Variants in OPCML observed in about 807,000 individuals in gnomAD.
OPCML encodes opioid-binding protein/cell adhesion molecule.
A neutral mutation model predicts 37.8 loss-of-function variants in OPCML; 13 were observed. The observed-to-expected ratio is 0.34, with a 90% CI of 0.22 to 0.55. The LOEUF is 0.55. Among genes scored for constraint, OPCML ranks in the 20% least tolerant of loss-of-function variants. The pLI is 0.91. For synonymous variants in OPCML, 176 were observed against 168.8 expected (o/e 1.04, Z -0.33); for missense variants, 341 against 435.6 (o/e 0.78, Z 1.93).
intron 7 of OPCML, among the ~76,000 whole-genome samples, chr11:132,428,124 G>A (rs771143462): frequency 6.6e-6 from 1 of 152,144 alleles, no homozygotes; most frequent in Non-Finnish European, 1.5e-5. Flanking sequence ...TGGAATATGT[G>A]GTATAGCCTC....
chr11:132,674,154 A>G (rs747955851), intron 2 of OPCML, among the ~76,000 whole-genome samples: 7 of 152,218 alleles, frequency 4.6e-5, no homozygotes, highest in South Asian at 2.1e-4. Flanking sequence ...CAAAGCAAAC[A>G]TACACTAACA....
chr11:133,066,516 A>G (rs1050810711), intron 1 of OPCML: 1 of 152,156 alleles, frequency 6.6e-6, no homozygotes, highest in African/African-American at 2.4e-5. Context: ...GCGAAATCCA[A>G]TTCCCAGTTC....
chr11:132,716,445 T>C (rs1450706689), intron 2 of OPCML, among the ~76,000 whole-genome samples: 1 of 148,244 alleles, frequency 6.7e-6, no homozygotes, highest in Non-Finnish European at 1.5e-5. Flanking sequence ...TATCTATCTA[T>C]CTATCTATCA....
chr11:132,644,048 C>A (rs1298798101), intron 3 of OPCML, among the ~76,000 whole-genome samples: 1 of 152,174 alleles, frequency 6.6e-6, no homozygotes, highest in African/African-American at 2.4e-5. Flanking sequence ...TATTGCTTGG[C>A]ATTTCTGGGA....
intron 1 of OPCML, among the ~76,000 whole-genome samples, chr11:133,403,019 A>G (rs1454717278): frequency 6.6e-6 from 1 of 152,188 alleles, no homozygotes; most frequent in Non-Finnish European, 1.5e-5. Flanking sequence ...CTATATGGCA[A>G]TTGCTGGCTT....
At chr11:132,857,162 A>C (rs1040723307) in intron 2 of OPCML, among the ~76,000 whole-genome samples, 5 of 152,146 alleles carry the variant, frequency 3.3e-5, no homozygotes, top group South Asian at 4.1e-4. Flanking sequence ...TGTCCAAAGT[A>C]TTGTAGCTCT....
In OPCML at chr11:133,277,899, A is replaced by C. The variant is rs144711820; in HGVS notation, c.61+254365T>G. 1.6e-4 allele frequency among the ~76,000 whole-genome samples: 24 copies of C among 152,314 alleles called. No homozygotes were observed. The East Asian group carries it at 4.4e-3, about 28-fold the overall frequency. On this transcript the variant is annotated intron_variant, in intron 1 of 7. Transcript: ENST00000524381. ...GGGGAGGAAAATGAGACTAGGAGAC[A>C]CGGAGTAACTAGTTGCCCAAGGTCA...
chr11:133,018,080 G>A (rs79565848), intron 1 of OPCML, among the ~76,000 whole-genome samples: 4,392 of 152,256 alleles, frequency 0.029, 164 homozygotes, highest in East Asian at 0.12. Flanking sequence ...CAAGGGTGGG[G>A]ATCTCTCTTG....
intron 1 of OPCML, among the ~76,000 whole-genome samples, chr11:133,235,412 G>A (rs1940468872): frequency 6.6e-6 from 1 of 152,098 alleles, no homozygotes; most frequent in Non-Finnish European, 1.5e-5. Context: ...GGGGACCATG[G>A]AATGAGAACA....
intron 1 of OPCML, among the ~76,000 whole-genome samples, chr11:133,268,369 A>T (rs1941721972): frequency 1.3e-5 from 2 of 152,220 alleles, no homozygotes; most frequent in Admixed American, 1.3e-4. Flanking sequence ...CTGCAAGAGG[A>T]TATTAGGTTG....
chr11:132,661,721 A>G (rs187720713), intron 2 of OPCML, among the ~76,000 whole-genome samples: 61 of 152,362 alleles, frequency 4.0e-4, no homozygotes, highest in African/African-American at 1.2e-3. Flanking sequence ...CCTTGATAAA[A>G]CAGAACTCAT....
Position 133,450,538 on chromosome 11 carries a change from T to A in OPCML, c.61+81726A>T, listed in dbSNP as rs553370303. ...AATACTCAGTGAGAATATCAACACATCTCTGAGAAAAATGGGACTGTCTAA... is the reference window on the plus strand; with the variant it reads ...AATACTCAGTGAGAATATCAACACAACTCTGAGAAAAATGGGACTGTCTAA... On this transcript the variant is annotated intron_variant, in intron 1 of 7. Coordinates refer to ENST00000524381, the MANE Select transcript of OPCML (RefSeq NM_001012393.5). 2.0e-5 allele frequency among the ~76,000 whole-genome samples: 3 copies of A among 150,934 alleles called. No individual in the cohort carries two copies. In the East Asian group the frequency reaches 5.8e-4, roughly 29 times the overall value.
chr11:133,063,463 C>T (rs555971324), intron 1 of OPCML, among the ~76,000 whole-genome samples: 12 of 152,134 alleles, frequency 7.9e-5, no homozygotes, highest in East Asian at 1.9e-4. Flanking sequence ...CGGCTGCCTT[C>T]GAACCTATTT....
intron 1 of OPCML, among the ~76,000 whole-genome samples, chr11:133,161,705 T>C (rs1375325275): frequency 6.6e-6 from 1 of 152,206 alleles, no homozygotes; most frequent in Non-Finnish European, 1.5e-5. Flanking sequence ...TGAGGAAATG[T>C]ATGTGTATAT....
intron 1 of OPCML, among the ~76,000 whole-genome samples, chr11:133,329,162 C>T (rs1943555911): frequency 1.3e-5 from 2 of 152,064 alleles, no homozygotes; most frequent in Admixed American, 1.3e-4. Flanking sequence ...AACTACAAAC[C>T]ACTGCTCAAG....
intron 4 of OPCML, among the ~76,000 whole-genome samples, chr11:132,468,288 G>C (rs2096125714): frequency 6.6e-6 from 1 of 152,104 alleles, no homozygotes; most frequent in Admixed American, 6.5e-5. Flanking sequence ...CCCTCTGCAG[G>C]CAAACTAATT....
intron 1 of OPCML, among the ~76,000 whole-genome samples, chr11:133,036,388 G>C (rs1591936297): frequency 1.3e-5 from 2 of 152,362 alleles, no homozygotes; most frequent in South Asian, 4.1e-4. Flanking sequence ...GGTCTAGTGA[G>C]AGAAATGTTA....
intron 2 of OPCML, among the ~76,000 whole-genome samples, chr11:132,829,473 A>G (rs1940558601): frequency 6.6e-6 from 1 of 152,218 alleles, no homozygotes; most frequent in Admixed American, 6.5e-5. Context: ...ACAAAGCACA[A>G]GACTGAAAAC....
At chr11:133,023,824 T>C (rs1295778537) in intron 1 of OPCML, among the ~76,000 whole-genome samples, 1 of 152,220 alleles carries the variant, frequency 6.6e-6, no homozygotes, top group Non-Finnish European at 1.5e-5. Context: ...GGCTGACTCA[T>C]AGTGATGGAC....
Sources: gnomAD v4.1 joint callset for allele counts (sites outside exome capture counted in the v4.1 genomes callset) on GRCh38, gnomAD v4.1.1 for gene constraint, MANE v1.5 for transcripts, NCBI Gene and HGNC (gene_info 2026-07-23, HGNC 2026-07-21) for gene names.